COL23A1: variants seen among roughly 807,000 people sequenced by gnomAD.
COL23A1 encodes the protein collagen alpha-1(XXIII) chain.
Under a neutral mutation model 99.3 loss-of-function variants are expected in COL23A1, and 97 were observed. The ratio of observed to expected loss-of-function variants is 0.98; its 90% confidence interval spans 0.83 to 1.16. The LOEUF is 1.16. COL23A1 is among the 50% of genes most tolerant of loss of function. The pLI is 0.00. For synonymous variants in COL23A1, 320 were observed against 308.2 expected, an observed-to-expected ratio of 1.04 and a Z score of -0.40; for missense variants, 762 against 757.4, an observed-to-expected ratio of 1.01 and a Z score of -0.07.
chr5:178,514,326 T>C (rs1421642059), intron 2 of COL23A1, among the ~76,000 whole-genome samples: 1 of 152,216 alleles, frequency 6.6e-6, no homozygotes, highest in African/African-American at 2.4e-5. Context: ...CAACGGACAC[T>C]TGGGCTGCTC....
intron 2 of COL23A1, among the ~76,000 whole-genome samples, chr5:178,487,009 C>A (rs921151743): frequency 6.6e-6 from 1 of 152,228 alleles, no homozygotes; most frequent in Non-Finnish European, 1.5e-5. Flanking sequence ...CCACTGGTAG[C>A]TCATGCATTC....
chr5:178,441,360 TA>T lies in COL23A1; in HGVS notation c.361+119321del, dbSNP rs1272810953. On this transcript the variant is annotated intron_variant, in intron 2 of 28. Transcript: ENST00000390654. ...TTTTTTAGAGTGAAGATATATAGCC[TA>T]AAAATACTAATAAAATAATAATTCA... 2.0e-5 allele frequency among the ~76,000 whole-genome samples: 3 copies of T among 152,296 alleles called. No individual in the cohort carries two copies. In the East Asian group the frequency reaches 5.8e-4, roughly 29 times the overall value.
chr5:178,476,932 G>A (rs1757061679), intron 2 of COL23A1, among the ~76,000 whole-genome samples: 1 of 152,226 alleles, frequency 6.6e-6, no homozygotes, highest in African/African-American at 2.4e-5. Flanking sequence ...TAGAGCCAGG[G>A]TTTGAACCCA....
chr5:178,246,382 G>A lies in COL23A1; in HGVS notation c.1359+9C>T. 3.8e-6 allele frequency: 6 copies of A among 1,575,938 alleles called. No individual in the cohort carries two copies. The highest frequency in any genetic ancestry group is 5.2e-6 in the Non-Finnish European group (6 of 1,159,854). Reference sequence around the variant, plus strand: ...CACCTTTGGGACAAACAACGCTTGTGAGACTCACAGGCAGGCCGCTGGGGC... The same window carrying A: ...CACCTTTGGGACAAACAACGCTTGTAAGACTCACAGGCAGGCCGCTGGGGC... On this transcript the variant is annotated intron_variant, in intron 23 of 28. Transcript: ENST00000390654.
intron 2 of COL23A1, among the ~76,000 whole-genome samples, chr5:178,389,483 A>G (rs1184750464): frequency 6.6e-6 from 1 of 152,226 alleles, no homozygotes; most frequent in Non-Finnish European, 1.5e-5. Flanking sequence ...ACATTCACAC[A>G]GGGTCTGCAG....
At position 178,353,474 on chromosome 5, in the gene COL23A1, C is replaced by T. The variant is rs528976014; in HGVS notation, c.362-46555G>A. 2.7e-4 allele frequency among the ~76,000 whole-genome samples: 41 copies of T among 152,178 alleles called. No individual in the cohort carries two copies. In the South Asian group the frequency reaches 7.0e-3, roughly 26 times the overall value. ...ACTTCCTTAAAACATTCCTAGCAAT[C>T]GGTGAGGAAGATGTGAATAGCCAAA... is the stretch of plus-strand genomic sequence containing the variant. On this transcript the variant is annotated intron_variant, in intron 2 of 28. Coordinates refer to ENST00000390654, the MANE Select transcript of COL23A1 (RefSeq NM_173465.4).
At chr5:178,332,207 C>A (rs1760067856) in intron 2 of COL23A1, among the ~76,000 whole-genome samples, 1 of 152,184 alleles carries the variant, frequency 6.6e-6, no homozygotes, top group African/African-American at 2.4e-5. Context: ...CTTTTGGTCA[C>A]CCTCTCCACA....
chr5:178,329,847 GAAC>G (rs1279316028), intron 2 of COL23A1, among the ~76,000 whole-genome samples: 1 of 151,656 alleles, frequency 6.6e-6, no homozygotes. Context: ...TGAGGCAGGA[GAAC>G]TACTTGAACC....
At chr5:178,285,749 TCAGCACGAGGCAGTCACCC>T (rs1757115681) in intron 5 of COL23A1, among the ~76,000 whole-genome samples, 1 of 152,152 alleles carries the variant, frequency 6.6e-6, no homozygotes, top group South Asian at 2.1e-4. Flanking sequence ...CCCAGGCCCT[TCAGCACGAGGCAGTCACCC>T]CAGCCTCTGG....
At position 178,310,050 on chromosome 5, in the gene COL23A1, T is replaced by G. The variant is rs1345363162; in HGVS notation, c.362-3131A>C. Among the ~76,000 whole-genome samples, 1 of 152,120 alleles carries G rather than the reference T, an allele frequency of 6.6e-6. No individual in the cohort carries two copies. Among genetic ancestry groups the G allele is most frequent in the African/African-American group, 2.4e-5 (1 of 41,416 alleles). On this transcript the variant is annotated intron_variant, in intron 2 of 28. Transcript: ENST00000390654. The surrounding 1 kb of genome is among the most constrained non-coding windows in gnomAD (Gnocchi z 4.3). ...TGCAAGTCCAGCAAGCTCCAGGGCT[T>G]AGGAGAGACACAGGGCCACCTGGTC...
At chr5:178,282,066 A>AAAAAAAAAAG (rs1423415939) in intron 5 of COL23A1, among the ~76,000 whole-genome samples, 2 of 151,460 alleles carry the variant, frequency 1.3e-5, no homozygotes, top group Non-Finnish European at 2.9e-5. Flanking sequence ...AAAAAAAAAA[A>AAAAAAAAAAG]AAGATGGGGT....
intron 2 of COL23A1, among the ~76,000 whole-genome samples, chr5:178,358,099 ATGTGTG>A (rs142465793): frequency 9.4e-5 from 13 of 138,788 alleles, no homozygotes; most frequent in Non-Finnish European, 1.5e-4. Context: ...TGTAGGTCTA[ATGTGTG>A]TGTATGTGTA....
At chr5:178,418,866 G>C (rs1348117628) in intron 2 of COL23A1, among the ~76,000 whole-genome samples, 1 of 152,144 alleles carries the variant, frequency 6.6e-6, no homozygotes, top group Non-Finnish European at 1.5e-5. Flanking sequence ...AGAGATCCAG[G>C]TATCATGCAA....
At chr5:178,445,256 C>T (rs1449304647) in intron 2 of COL23A1, among the ~76,000 whole-genome samples, 1 of 152,104 alleles carries the variant, frequency 6.6e-6, no homozygotes, top group African/African-American at 2.4e-5. Context: ...TATAATGATA[C>T]ATTGTACTAA....
intron 1 of COL23A1, among the ~76,000 whole-genome samples, chr5:178,577,922 T>C (rs1763463443): frequency 6.6e-6 from 1 of 152,200 alleles, no homozygotes; most frequent in Non-Finnish European, 1.5e-5. Context: ...TCGGGGACAC[T>C]TGGACGGGAT....
intron 2 of COL23A1, among the ~76,000 whole-genome samples, chr5:178,367,758 C>T (rs932641752): frequency 2.6e-5 from 4 of 152,360 alleles, no homozygotes; most frequent in Non-Finnish European, 5.9e-5. Context: ...GGGAACTTCT[C>T]GCTCCCAGAT....
At chr5:178,329,534 A>C (rs915098775) in intron 2 of COL23A1, among the ~76,000 whole-genome samples, 3 of 152,056 alleles carry the variant, frequency 2.0e-5, no homozygotes, top group African/African-American at 7.2e-5. Flanking sequence ...GGGCCAAGGG[A>C]AGTCCAAAAA....
chr5:178,375,211 T>A lies in COL23A1; in HGVS notation c.362-68292A>T, dbSNP rs573381863. Among the ~76,000 whole-genome samples the A allele has an allele frequency of 6.0e-5, 9 of 149,240 alleles. No individual in the cohort carries two copies. The South Asian group carries it at 1.9e-3, about 31-fold the overall frequency. ...GTCCATTTCTAGGAAATGTCCAGAA[T>A]GAACAAATCCACAGGGACAGAAAGT... is the stretch of plus-strand genomic sequence containing the variant. On this transcript the variant is annotated intron_variant, in intron 2 of 28. Transcript: ENST00000390654.
chr5:178,278,370 G>A (rs1263183371), intron 5 of COL23A1, among the ~76,000 whole-genome samples: 1 of 152,208 alleles, frequency 6.6e-6, no homozygotes, highest in Non-Finnish European at 1.5e-5. Context: ...CACTGGTAAA[G>A]AACTGGTTGA....
Sources: allele counts gnomAD v4.1 joint callset (sites outside exome capture counted in the v4.1 genomes callset), GRCh38; gene constraint gnomAD v4.1.1; non-coding constraint Gnocchi (gnomAD v3.1); transcripts MANE v1.5; gene names NCBI Gene and HGNC (gene_info 2026-07-23, HGNC 2026-07-21).